The following VSTM2L variants were observed in gnomAD, a reference collection of about 807,000 sequenced individuals.
The protein encoded by VSTM2L is V-set and transmembrane domain-containing protein 2-like protein.
VSTM2L carries 9 observed loss-of-function variants against 19.9 expected under a neutral mutation model. That is an observed-to-expected ratio of 0.45 (90% confidence interval 0.27 to 0.79). The LOEUF is 0.79. Ranked by LOEUF, VSTM2L falls within the 30% of genes least tolerant of loss-of-function variation. VSTM2L has a pLI of 0.15. For synonymous variants in VSTM2L, 127 were observed against 133.8 expected (o/e 0.95, Z 0.35); for missense variants, 286 against 295.5 (o/e 0.97, Z 0.24).
intron 3 of VSTM2L, among the ~76,000 whole-genome samples, chr20:37,937,093 C>T (rs941870441): frequency 4.6e-5 from 7 of 151,992 alleles, no homozygotes; most frequent in South Asian, 2.1e-4. Context: ...TGGTGGTGCA[C>T]GCCTGCAGTC....
intron 3 of VSTM2L, among the ~76,000 whole-genome samples, chr20:37,941,533 G>T (rs112379071): frequency 0.051 from 7,720 of 152,310 alleles, 312 homozygotes; most frequent in Non-Finnish European, 0.071. Flanking sequence ...CAGGCTGCAT[G>T]CAGAGGGCGC....
intron 1 of VSTM2L, 93 bp downstream of exon 1, chr20:37,903,564 G>C (rs1034415231): frequency 3.0e-6 from 4 of 1,314,960 alleles, no homozygotes; most frequent in African/African-American, 1.6e-5. Context: ...TCGAACCGGC[G>C]CCAGTCGTGG....
At chr20:37,934,530 C>A (rs746215598) in intron 3 of VSTM2L, among the ~76,000 whole-genome samples, 2 of 152,158 alleles carry the variant, frequency 1.3e-5, no homozygotes, top group Non-Finnish European at 2.9e-5. Flanking sequence ...TGCGTGCATG[C>A]TTGTGTGTTT....
chr20:37,929,206 C>A (rs1252404843), intron 1 of VSTM2L, among the ~76,000 whole-genome samples: 5 of 152,044 alleles, frequency 3.3e-5, no homozygotes, highest in Non-Finnish European at 7.4e-5. Context: ...CCAGGGGAGT[C>A]TGAGGAAAGG....
At chr20:37,918,847 T>C (rs951877016) in intron 1 of VSTM2L, among the ~76,000 whole-genome samples, 2 of 152,150 alleles carry the variant, frequency 1.3e-5, no homozygotes, top group Admixed American at 1.3e-4. Flanking sequence ...CACGAGCCTA[T>C]CTTTCTCCTA....
At chr20:37,903,519 C>T (rs1427463975) in intron 1 of VSTM2L, 48 bp downstream of exon 1, 9 of 1,406,852 alleles carry the variant, frequency 6.4e-6, no homozygotes, top group Non-Finnish European at 7.4e-6. Context: ...AACCCCAACC[C>T]GGGCCGCGCC....
chr20:37,917,472 G>A (rs1208118364), intron 1 of VSTM2L, among the ~76,000 whole-genome samples: 1 of 152,256 alleles, frequency 6.6e-6, no homozygotes, highest in Non-Finnish European at 1.5e-5. Flanking sequence ...CCAGGGAACA[G>A]CGGTTGTTGT....
At position 37,937,271 on chromosome 20, in the gene VSTM2L, T is replaced by C. The variant is rs193212318; in HGVS notation, c.342+3682T>C. On this transcript the variant is annotated intron_variant, in intron 3 of 3. Coordinates refer to ENST00000373461, the MANE Select transcript of VSTM2L (RefSeq NM_080607.3). Reference sequence around the variant, plus strand: ...TAATAATATAGCAGCTAACATTTATTGAGTGCTTACCATATGTTAGGAGCC... The same window carrying C: ...TAATAATATAGCAGCTAACATTTATCGAGTGCTTACCATATGTTAGGAGCC... Among the ~76,000 whole-genome samples, 10 of 152,322 alleles carry C rather than the reference T, an allele frequency of 6.6e-5. No homozygotes were observed. In the East Asian group the frequency reaches 1.9e-3, roughly 29 times the overall value.
At chr20:37,926,550 GA>G (rs937946658) in intron 1 of VSTM2L, among the ~76,000 whole-genome samples, 1 of 152,138 alleles carries the variant, frequency 6.6e-6, no homozygotes, top group Non-Finnish European at 1.5e-5. Flanking sequence ...AAAAAAGAAA[GA>G]AAAAAGAGAA....
intron 1 of VSTM2L, among the ~76,000 whole-genome samples, chr20:37,922,226 T>C (rs1223556224): frequency 6.6e-6 from 1 of 152,044 alleles, no homozygotes; most frequent in Non-Finnish European, 1.5e-5. Context: ...CAACCCCCAT[T>C]CTGCTTTCTG....
chr20:37,913,918 G>A (rs2072794750), intron 1 of VSTM2L, among the ~76,000 whole-genome samples: 1 of 152,198 alleles, frequency 6.6e-6, no homozygotes, highest in African/African-American at 2.4e-5. Flanking sequence ...GCGTCGGAGT[G>A]GGTTGGCCGT....
At chr20:37,942,202 C>T (rs2072976338) in intron 3 of VSTM2L, among the ~76,000 whole-genome samples, 1 of 152,208 alleles carries the variant, frequency 6.6e-6, no homozygotes, top group African/African-American at 2.4e-5. Flanking sequence ...AAATGGATGG[C>T]TGGGCATGGT....
chr20:37,928,309 C>T (rs2072889662), intron 1 of VSTM2L, among the ~76,000 whole-genome samples: 1 of 152,206 alleles, frequency 6.6e-6, no homozygotes, highest in Admixed American at 6.5e-5. Flanking sequence ...AGGCTCCTCA[C>T]TATCTCCTTG....
chr20:37,943,022 T>G (rs1339716047), intron 3 of VSTM2L, among the ~76,000 whole-genome samples: 2 of 152,242 alleles, frequency 1.3e-5, no homozygotes, highest in Non-Finnish European at 2.9e-5. Context: ...TGGAGTGCAG[T>G]GGTGCGATCT....
intron 1 of VSTM2L, among the ~76,000 whole-genome samples, chr20:37,909,306 C>T (rs938196288): frequency 6.6e-6 from 1 of 152,144 alleles, no homozygotes; most frequent in Non-Finnish European, 1.5e-5. Flanking sequence ...AGTGTTTGGC[C>T]ATCACCTTGG....
intron 3 of VSTM2L, among the ~76,000 whole-genome samples, chr20:37,943,559 C>G (rs1043208977): frequency 6.6e-6 from 1 of 151,956 alleles, no homozygotes; most frequent in Non-Finnish European, 1.5e-5. Context: ...GAGGAGGCCC[C>G]GTTGTTCCCT....
intron 1 of VSTM2L, among the ~76,000 whole-genome samples, chr20:37,914,462 GTGTA>G (rs746682442): frequency 0.1 from 217 of 2,090 alleles, no homozygotes; most frequent in Admixed American, 0.25. Flanking sequence ...TGTGTATTGT[GTGTA>G]TGTGTGTATT....
intron 1 of VSTM2L, among the ~76,000 whole-genome samples, chr20:37,916,667 C>A (rs560111705): frequency 6.6e-6 from 1 of 152,280 alleles, no homozygotes; most frequent in East Asian, 1.9e-4. Context: ...AAGAAGAGGA[C>A]AATGATAGTG....
intron 3 of VSTM2L, among the ~76,000 whole-genome samples, chr20:37,938,589 C>G (rs748337311): frequency 2.0e-5 from 3 of 152,320 alleles, no homozygotes; most frequent in South Asian, 4.1e-4. Context: ...CTGCAGTGCC[C>G]GGAAAAGCCT....
Sources: allele counts gnomAD v4.1 joint callset (sites outside exome capture counted in the v4.1 genomes callset), GRCh38; gene constraint gnomAD v4.1.1; transcripts MANE v1.5; gene names NCBI Gene and HGNC (gene_info 2026-07-23, HGNC 2026-07-21).